Variants in PDGFA observed in about 807,000 individuals in gnomAD.
PDGFA encodes platelet-derived growth factor subunit A.
A neutral mutation model predicts 25.6 loss-of-function variants in PDGFA; 9 were observed. The observed-to-expected ratio is 0.35, with a 90% confidence interval of 0.21 to 0.61. The LOEUF is 0.61. Among genes scored for constraint, PDGFA ranks in the 20% least tolerant of loss-of-function variants. The pLI, the probability that PDGFA is intolerant of heterozygous loss-of-function variation, is 0.75. For synonymous variants in PDGFA, 133 were observed against 111.8 expected (o/e 1.19, Z -1.20); for missense variants, 242 against 272.8 (o/e 0.89, Z 0.79).
At chr7:518,374 GGGTGCGGAC>G (rs1783204701) in intron 1 of PDGFA, 2 of 152,710 alleles carry the variant, frequency 1.3e-5, no homozygotes, top group Admixed American at 1.3e-4. Context: ...CGCGGTGGGA[GGGTGCGGAC>G]GCCTGGCCCA....
At chr7:515,392 G>A (rs1466681704) in intron 2 of PDGFA, among the ~76,000 whole-genome samples, 1 of 152,178 alleles carries the variant, frequency 6.6e-6, no homozygotes, top group African/African-American at 2.4e-5. Context: ...GAGAACGGGA[G>A]TTGAAGAAAA....
intron 2 of PDGFA, among the ~76,000 whole-genome samples, chr7:516,210 C>G (rs1487728621): frequency 6.6e-6 from 1 of 150,778 alleles, no homozygotes; most frequent in Non-Finnish European, 1.5e-5. Flanking sequence ...CCGCACCCCC[C>G]ACCCTCCGCC....
At chr7:505,280 C>G (rs1040651513) in intron 4 of PDGFA, among the ~76,000 whole-genome samples, 1 of 152,188 alleles carries the variant, frequency 6.6e-6, no homozygotes, top group Non-Finnish European at 1.5e-5. Flanking sequence ...TGTCCCTCCC[C>G]TTTTTCCGTC....
chr7:503,761 T>G (rs2128393592), intron 4 of PDGFA, among the ~76,000 whole-genome samples: 2 of 152,288 alleles, frequency 1.3e-5, no homozygotes, highest in Middle Eastern at 6.8e-3. Context: ...TGGTCTGGGC[T>G]GCCTGGGGCG....
At position 517,570 on chromosome 7, in the gene PDGFA, G is replaced by T; in HGVS notation, c.64-80C>A. ...GCCCCCGGCCGCCAGGAGCGCCGCCGCCCCGGGCCCGAGGAGACCCCGCGA... is the reference window on the plus strand; with the variant it reads ...GCCCCCGGCCGCCAGGAGCGCCGCCTCCCCGGGCCCGAGGAGACCCCGCGA... On this transcript the variant is annotated intron_variant, in intron 1 of 5. Coordinates refer to ENST00000402802, the Ensembl canonical transcript of PDGFA. This position sits in a 1 kb window ranked among gnomAD's most constrained non-coding sequence, Gnocchi z 7.4. 1 of 450,776 alleles carries T rather than the reference G, an allele frequency of 2.2e-6. No individual in the cohort carries two copies. Among genetic ancestry groups the T allele is most frequent in the Non-Finnish European group, 3.0e-6 (1 of 335,728 alleles). 27.9% of individuals were successfully genotyped at this position (450,776 alleles called of 1,614,324 possible). A position where few individuals can be genotyped will look rare whatever the true frequency, so the allele number is the denominator to read the frequency against.
At position 519,066 on chromosome 7, in the gene PDGFA, C is replaced by A. The variant is rs1315040471; in HGVS notation, c.-65G>T. On this transcript the variant is annotated 5_prime_UTR_variant, in exon 1 of 6. Transcript: ENST00000402802. ...CCGCGGGGCGGGCGCTCCAGCCGGT[C>A]TCCTGTGGCGGCGAAATTCAGTACC... 5 of 1,317,024 alleles carry A rather than the reference C, an allele frequency of 3.8e-6. No homozygotes were observed. In the East Asian group the frequency reaches 1.4e-4, roughly 36 times the overall value. 81.6% of individuals were successfully genotyped at this position (1,317,024 alleles called of 1,614,324 possible).
intron 4 of PDGFA, 99 bp downstream of exon 4, chr7:510,710 A>T: frequency 2.7e-6 from 1 of 375,714 alleles, no homozygotes; most frequent in Non-Finnish European, 4.6e-6. Flanking sequence ...TTGGGTGGGG[A>T]GGGGAGGGGA....
In PDGFA at chr7:513,676, GT is replaced by G. The variant is rs552970656; in HGVS notation, c.161-1222del. Among the ~76,000 whole-genome samples the G allele has an allele frequency of 1.8e-4, 27 of 152,296 alleles. No homozygotes were observed. In the East Asian group the frequency reaches 5.2e-3, roughly 29 times the overall value. ...GGCTAATGGGCTCTGCACCTCCTGG[GT>G]TCAGGACTAGCAGCCCAAAGTGTCT... On this transcript the variant is annotated intron_variant, in intron 2 of 5. Coordinates refer to ENST00000402802, the Ensembl canonical transcript of PDGFA.
chr7:519,236 G>A (rs1783252591), exon 1 of PDGFA: 1 of 406,594 alleles, frequency 2.5e-6, no homozygotes, highest in Admixed American at 4.6e-5. Context: ...CGCAGCGCGG[G>A]GAGCCTCCTG....
In PDGFA at chr7:501,256, C is replaced by T. The variant is rs1215242138; in HGVS notation, c.454-14G>A. On this transcript the variant is annotated splice_polypyrimidine_tract_variant and intron_variant, in intron 4 of 5. Coordinates refer to ENST00000402802, the Ensembl canonical transcript of PDGFA. ...CACCTTGGCCACCTGCCAGAGAGAACAGAGCCCGGCCATGAATGCCTGCAT... is the reference window on the plus strand; with the variant it reads ...CACCTTGGCCACCTGCCAGAGAGAATAGAGCCCGGCCATGAATGCCTGCAT... 13 of 1,613,664 alleles carry T rather than the reference C, an allele frequency of 8.1e-6. No homozygotes were observed. The highest frequency in any genetic ancestry group is 1.1e-5 in the Non-Finnish European group (13 of 1,179,974).
chr7:514,179 G>A (rs996281247), intron 2 of PDGFA, among the ~76,000 whole-genome samples: 78 of 152,226 alleles, frequency 5.1e-4, no homozygotes, highest in Non-Finnish European at 9.8e-4. Context: ...TGTGCGGTGG[G>A]TGCTATCACT....
In PDGFA at chr7:500,725, G is replaced by C; in HGVS notation, c.580+391C>G. ...AGTCCGCGTGGCGGGGTGAAGGAGA[G>C]ACCCCAGCCAGCCAGGGCAACTGCA... On this transcript the variant is annotated intron_variant, in intron 5 of 5. Transcript: ENST00000402802. This position sits in a 1 kb window ranked among gnomAD's most constrained non-coding sequence, Gnocchi z 5.0. 1.4e-6 allele frequency: 2 copies of C among 1,439,290 alleles called. No homozygotes were observed. The highest frequency in any genetic ancestry group is 9.1e-7 in the Non-Finnish European group (1 of 1,101,676). The allele number at this position is 1,439,290 out of a possible 1,614,324, so 89.2% of individuals were successfully genotyped here.
chr7:517,485 G>A lies in PDGFA; in HGVS notation c.69C>T (p.Ala23=), dbSNP rs1783163876. Residue 23 remains alanine, a synonymous_variant, in exon 2 of 6, where the codon GCC becomes GCT. Coordinates refer to ENST00000402802, the Ensembl canonical transcript of PDGFA. The surrounding 1 kb of genome is among the most constrained non-coding windows in gnomAD (Gnocchi z 7.4). ...TCTCGATCACCTCGCGGGGGATCTC[G>A]GCTTCCTGCAAGCAGAGGCCACACG... is the stretch of plus-strand genomic sequence containing the variant. 1 of 1,322,754 alleles carries A rather than the reference G, an allele frequency of 7.6e-7. No individual in the cohort carries two copies. Among genetic ancestry groups the A allele is most frequent in the Non-Finnish European group, 9.8e-7 (1 of 1,020,826 alleles). The allele number at this position is 1,322,754 out of a possible 1,614,324, so 81.9% of individuals were successfully genotyped here.
chr7:501,507 C>G (rs541550287), intron 4 of PDGFA, among the ~76,000 whole-genome samples: 27 of 152,346 alleles, frequency 1.8e-4, no homozygotes, highest in Non-Finnish European at 4.0e-4. Context: ...CCTCTGCAGC[C>G]TCAAGCTCTT....
chr7:512,429 G>A (rs750240781), exon 3 of PDGFA: 13 of 1,613,760 alleles, frequency 8.1e-6, no homozygotes, highest in Non-Finnish European at 1.1e-5. Context: ...TGAGCTCTCA[G>A]GCTGGTGTCC....
chr7:520,326 C>T (rs888041978), upstream of PDGFA: 1 of 180,068 alleles, frequency 5.6e-6, no homozygotes, highest in African/African-American at 2.4e-5. Context: ...AGGGCCCCAG[C>T]CTTCCTCTCT....
chr7:499,101 T>C (rs1361743628), intron 5 of PDGFA, among the ~76,000 whole-genome samples: 1 of 152,138 alleles, frequency 6.6e-6, no homozygotes, highest in East Asian at 1.9e-4. Context: ...TGAACATGAG[T>C]ACCAGCCAGG....
chr7:511,400 C>T (rs150424523), intron 3 of PDGFA, among the ~76,000 whole-genome samples: 6,169 of 28,152 alleles, frequency 0.22, 444 homozygotes, highest in Middle Eastern at 0.36. Context: ...AGAGGGGAAC[C>T]TAGTCCAGGT....
intron 4 of PDGFA, among the ~76,000 whole-genome samples, chr7:501,774 A>G (rs964862905): frequency 2.0e-5 from 3 of 152,128 alleles, no homozygotes; most frequent in Non-Finnish European, 4.4e-5. Context: ...AAATAAACCC[A>G]AAGGTTCACG....
Sources: allele counts gnomAD v4.1 joint callset (sites outside exome capture counted in the v4.1 genomes callset), GRCh38; gene constraint gnomAD v4.1.1; non-coding constraint Gnocchi (gnomAD v3.1); transcripts MANE v1.5; gene names NCBI Gene and HGNC (gene_info 2026-07-23, HGNC 2026-07-21).